Variants in FGGY observed in about 807,000 individuals in gnomAD.
FGGY encodes the protein FGGY carbohydrate kinase domain-containing protein.
Under a neutral mutation model 71.3 loss-of-function variants are expected in FGGY, and 72 were observed. That is an observed-to-expected ratio of 1.01 (90% CI 0.84 to 1.23). The LOEUF (loss-of-function observed/expected upper bound fraction) is 1.23, where lower values mean the gene tolerates loss of function less well. Among genes scored for constraint, FGGY ranks in the 50% most tolerant of loss-of-function variants. FGGY has a pLI of 0.00. For missense variants in FGGY, 668 were observed against 682.3 expected, an observed-to-expected ratio of 0.98 and a Z score of 0.23; for synonymous variants, 251 against 250.3, an observed-to-expected ratio of 1.00 and a Z score of -0.02.
chr1:59,571,116 T>C (rs749659396), intron 8 of FGGY, among the ~76,000 whole-genome samples: 6 of 152,214 alleles, frequency 3.9e-5, no homozygotes, highest in Non-Finnish European at 7.3e-5. Flanking sequence ...ATGCTTAATA[T>C]GTACTCTGTG....
intron 15 of FGGY, among the ~76,000 whole-genome samples, chr1:59,759,678 A>T (rs1158847854): frequency 6.6e-6 from 1 of 152,228 alleles, no homozygotes; most frequent in Non-Finnish European, 1.5e-5. Context: ...AGACAGGAGA[A>T]GCCAGTTTCC....
At chr1:59,374,799 A>T (rs1365626556) in intron 4 of FGGY, among the ~76,000 whole-genome samples, 1 of 151,716 alleles carries the variant, frequency 6.6e-6, no homozygotes, top group South Asian at 2.1e-4. Flanking sequence ...TCAGTAAACT[A>T]TCGCAAGAAC....
rs781125098 is a variant in FGGY, at chr1:59,626,076, A to G, written c.1073+27A>G. On this transcript the variant is annotated intron_variant, in intron 10 of 15. Transcript: ENST00000303721. ...TAACTGCTGTCTCTGTTCCCTCTAA[A>G]ATTTTCCTTGTGTGACTGTATTGAG... The G allele has an allele frequency of 1.9e-6, 3 of 1,604,390 alleles. No homozygotes were observed. In the South Asian group the frequency reaches 3.4e-5, roughly 18 times the overall value.
At chr1:59,696,168 TG>T (rs755819961) in intron 14 of FGGY, among the ~76,000 whole-genome samples, 35 of 152,148 alleles carry the variant, frequency 2.3e-4, no homozygotes, top group Non-Finnish European at 4.7e-4. Context: ...CAGCCAAAAA[TG>T]GAGATAAAAT....
chr1:59,716,787 G>A (rs1393139229), intron 14 of FGGY, among the ~76,000 whole-genome samples: 2 of 152,164 alleles, frequency 1.3e-5, no homozygotes, highest in Non-Finnish European at 2.9e-5. Context: ...ATGACAGACT[G>A]AATTTAAAAA....
Position 59,638,353 on chromosome 1 carries a change from C to G in FGGY, c.1199C>G (p.Ala400Gly). 1 of 1,614,216 alleles carries G rather than the reference C, an allele frequency of 6.2e-7. No individual in the cohort carries two copies. The highest frequency in any genetic ancestry group is 8.5e-7 in the Non-Finnish European group (1 of 1,180,040). Residue 400 changes from alanine (A) to glycine (G), a missense_variant, in exon 11 of 16, where the codon GCA becomes GGA. This residue lies in a region of FGGY where 661 missense variants were observed against 661.6 expected (regional missense o/e 1.00). Transcript: ENST00000303721. ...TTCCATGGCAACCGGTCTCCCTTAGCAGATCTGACACTAAAGGGCATGGTA... is the reference window on the plus strand; with the variant it reads ...TTCCATGGCAACCGGTCTCCCTTAGGAGATCTGACACTAAAGGGCATGGTA... ...PDFHGNRSPL[A>G]DLTLKGMVTG...
chr1:59,479,722 G>C (rs766010309), intron 6 of FGGY, among the ~76,000 whole-genome samples: 1 of 152,090 alleles, frequency 6.6e-6, no homozygotes, highest in South Asian at 2.1e-4. Flanking sequence ...ACAGAGGATC[G>C]GGGAAAAGAT....
intron 5 of FGGY, among the ~76,000 whole-genome samples, chr1:59,401,599 T>C (rs763466244): frequency 7.9e-5 from 12 of 152,204 alleles, no homozygotes; most frequent in Non-Finnish European, 1.8e-4. Context: ...GGCAGAGATA[T>C]TAAGTAACCC....
At chr1:59,632,464 G>T (rs2096916846) in intron 10 of FGGY, among the ~76,000 whole-genome samples, 1 of 151,802 alleles carries the variant, frequency 6.6e-6, no homozygotes, top group Admixed American at 6.6e-5. Context: ...TTTTGCTTTT[G>T]TAATTCCCAT....
At chr1:59,619,331 A>G (rs930730653) in intron 9 of FGGY, among the ~76,000 whole-genome samples, 3 of 152,084 alleles carry the variant, frequency 2.0e-5, no homozygotes, top group Admixed American at 2.0e-4. Flanking sequence ...GAGGAGACAG[A>G]TAATACACAA....
intron 6 of FGGY, among the ~76,000 whole-genome samples, chr1:59,462,407 T>G (rs2092308412): frequency 6.6e-6 from 1 of 152,088 alleles, no homozygotes; most frequent in Non-Finnish European, 1.5e-5. Context: ...GGCAAGGACT[T>G]CATGTCTAAA....
At chr1:59,311,375 C>CT (rs2044290326) in intron 1 of FGGY, among the ~76,000 whole-genome samples, 1 of 151,700 alleles carries the variant, frequency 6.6e-6, no homozygotes, top group Admixed American at 6.6e-5. Flanking sequence ...GACTGGTCCT[C>CT]TAAGTTCCCT....
intron 14 of FGGY, 145 bp from the exon 15 acceptor site, chr1:59,757,786 C>T: frequency 2.5e-5 from 14 of 571,420 alleles, no homozygotes; most frequent in South Asian, 1.7e-4. Context: ...TTCTTATTAC[C>T]AAAGAAAAGT....
At chr1:59,698,490 AG>A (rs1319086583) in intron 14 of FGGY, among the ~76,000 whole-genome samples, 2 of 152,014 alleles carry the variant, frequency 1.3e-5, no homozygotes, top group Non-Finnish European at 2.9e-5. Context: ...TCTGGGAATC[AG>A]CATCTCAATT....
At position 59,339,741 on chromosome 1, in the gene FGGY, G is replaced by A. The variant is rs377583295; in HGVS notation, c.202-217G>A. The stretch of plus-strand genomic sequence containing the variant: ...GCCTCCCAAAGTGCTGGGATTACAG[G>A]TGTGAGCTGCCATGCCTGGCCTTAA... On this transcript the variant is annotated intron_variant, in intron 2 of 15. Transcript: ENST00000303721. Among the ~76,000 whole-genome samples the A allele has an allele frequency of 2.9e-3, 436 of 152,214 alleles. 2 individuals carry two copies. The highest frequency in any genetic ancestry group is 0.01 in the African/African-American group (416 of 41,512).
At chr1:59,506,461 G>A (rs145260054) in intron 6 of FGGY, among the ~76,000 whole-genome samples, 1 of 152,234 alleles carries the variant, frequency 6.6e-6, no homozygotes, top group East Asian at 1.9e-4. Context: ...TAATGGCAAG[G>A]TGGGATTCTG....
chr1:59,724,895 G>T (rs539042779), intron 14 of FGGY, among the ~76,000 whole-genome samples: 1 of 152,232 alleles, frequency 6.6e-6, no homozygotes, highest in South Asian at 2.1e-4. Flanking sequence ...TATCAGATAT[G>T]TGTTTTCTTC....
intron 9 of FGGY, among the ~76,000 whole-genome samples, chr1:59,622,800 G>T (rs1393663857): frequency 2.6e-5 from 4 of 152,036 alleles, no homozygotes; most frequent in Non-Finnish European, 5.9e-5. Context: ...CCACCCATGG[G>T]CAAAAATGTA....
In FGGY at chr1:59,581,066, T is replaced by TCCATGCTCATGGGTAGGAAGAATCAATA. The variant is rs1236448146; in HGVS notation, c.904-26737_904-26736insCCATGCTCATGGGTAGGAAGAATCAATA. Among the ~76,000 whole-genome samples, 278 of 137,604 alleles carry TCCATGCTCATGGGTAGGAAGAATCAATA rather than the reference T, an allele frequency of 2.0e-3. 5 individuals carry two copies. Among genetic ancestry groups the TCCATGCTCATGGGTAGGAAGAATCAATA allele is most frequent in the African/African-American group, 6.0e-3 (189 of 31,374 alleles). 90.3% of individuals were successfully genotyped at this position (137,604 alleles called of 152,430 possible). A position where few individuals can be genotyped will look rare whatever the true frequency, so the allele number is the denominator to read the frequency against. On this transcript the variant is annotated intron_variant, in intron 8 of 15. Transcript: ENST00000303721. Reference sequence around the variant, plus strand: ...TGGCTGTTGAGCACATGAAGTCATTTTCTTTCTTCCCTGAAATGCTTTGGG... The same window carrying TCCATGCTCATGGGTAGGAAGAATCAATA: ...TGGCTGTTGAGCACATGAAGTCATTTCCATGCTCATGGGTAGGAAGAATCAATATCTTTCTTCCCTGAAATGCTTTGGG...
Sources: gnomAD v4.1 joint callset for allele counts (sites outside exome capture counted in the v4.1 genomes callset) on GRCh38, gnomAD v4.1.1 for gene constraint, gnomAD v4.1.1 regional missense constraint, MANE v1.5 for transcripts, NCBI Gene and HGNC (gene_info 2026-07-23, HGNC 2026-07-21) for gene names.